Variants in ZC3H12B observed in about 807,000 individuals in gnomAD.
ZC3H12B encodes the protein zinc finger CCCH-type containing 12B.
A neutral mutation model predicts 43.9 loss-of-function variants in ZC3H12B; 7 were observed. That is an observed-to-expected ratio of 0.16 (90% CI 0.09 to 0.30). The LOEUF is 0.30. Among genes scored for constraint, ZC3H12B ranks in the 10% least tolerant of loss-of-function variants. The pLI is 1.00. For synonymous variants in ZC3H12B, 222 were observed against 241.7 expected (o/e 0.92, Z 0.76); for missense variants, 475 against 670.2 (o/e 0.71, Z 3.22).
At chrX:65,399,135 T>C (rs995830879) in intron 3 of ZC3H12B, among the ~76,000 whole-genome samples, 11 of 112,536 alleles carry the variant, frequency 9.8e-5, no homozygotes, top group African/African-American at 3.6e-4. Context: ...TCTTGAGTAA[T>C]ACACTATTAA....
the ZC3H12B span, among the ~76,000 whole-genome samples, chrX:65,180,779 GA>G: frequency 1.8e-5 from 2 of 109,179 alleles, no homozygotes; most frequent in Non-Finnish European, 3.9e-5. Flanking sequence ...CAAAGAAGTT[GA>G]AAAAAAATTT....
chrX:65,329,369 A>G, the ZC3H12B span, among the ~76,000 whole-genome samples: 4 of 110,544 alleles, frequency 3.6e-5, no homozygotes, highest in Admixed American at 1.9e-4. Flanking sequence ...GTCTGTTCAT[A>G]TCCTTCACCC....
At chrX:65,222,357 A>T in the ZC3H12B span, among the ~76,000 whole-genome samples, 1 of 110,890 alleles carries the variant, frequency 9.0e-6, no homozygotes, top group African/African-American at 3.3e-5. Flanking sequence ...CAGAGCAATC[A>T]GAAAAGAGAA....
the ZC3H12B span, among the ~76,000 whole-genome samples, chrX:65,215,630 CA>C: frequency 9.0e-6 from 1 of 111,332 alleles, no homozygotes; most frequent in African/African-American, 3.3e-5. Context: ...TCACTAACAT[CA>C]ATAAGGCTGT....
the ZC3H12B span, among the ~76,000 whole-genome samples, chrX:65,212,175 T>A: frequency 2.5e-4 from 10 of 40,760 alleles, no homozygotes; most frequent in Admixed American, 1.5e-3. Flanking sequence ...TATATAATAT[T>A]ATATATTATA....
the ZC3H12B span, among the ~76,000 whole-genome samples, chrX:65,211,699 A>G: frequency 4.5e-5 from 4 of 88,967 alleles, no homozygotes; most frequent in East Asian, 3.4e-4. Flanking sequence ...AATATTATAT[A>G]ATATATAATA....
At chrX:65,448,979 G>GAAAAAGAAAGAAAGAAAGAA (rs1158285090) in intron 3 of ZC3H12B, among the ~76,000 whole-genome samples, 4 of 21,642 alleles carry the variant, frequency 1.8e-4, no homozygotes, top group African/African-American at 2.1e-4. Context: ...AAGAAAGAAA[G>GAAAAAGAAAGAAAGAAAGAA]AGAAAGAAAG....
intron 1 of ZC3H12B, among the ~76,000 whole-genome samples, chrX:65,367,666 TC>T (rs1330860926): frequency 9.0e-6 from 1 of 111,681 alleles, no homozygotes; most frequent in Non-Finnish European, 1.9e-5. Context: ...TTTCAAATAT[TC>T]CCTTTCATTA....
At chrX:65,176,383 C>A in the ZC3H12B span, among the ~76,000 whole-genome samples, 1 of 111,631 alleles carries the variant, frequency 9.0e-6, no homozygotes, top group Admixed American at 9.5e-5. Flanking sequence ...GCAGGAGCCC[C>A]AATCAGGGGC....
At position 65,480,846 on chromosome X, in the gene ZC3H12B, C is replaced by CAA. The variant is rs59314463; in HGVS notation, n.408-7786_408-7785dup. ...GGGCAACAACAGTGAAACTCTGACT[C>CAA]AAAAAAAAAAAAAAAGAGTACTACA... On this transcript the variant is annotated intron_variant and non_coding_transcript_variant, in intron 3 of 5. Coordinates refer to the ZC3H12B transcript ENST00000617377. Among the ~76,000 whole-genome samples the CAA allele has an allele frequency of 4.3e-3, 296 of 68,493 alleles. 4 individuals are homozygous for CAA. The highest frequency in any genetic ancestry group is 0.011 in the African/African-American group (246 of 22,800). 59.5% of individuals were successfully genotyped at this position (68,493 alleles called of 115,157 possible).
chrX:65,067,819 C>T, the ZC3H12B span, among the ~76,000 whole-genome samples: 13 of 110,449 alleles, frequency 1.2e-4, no homozygotes, highest in African/African-American at 4.3e-4. Flanking sequence ...CTTTATGATG[C>T]ATCATTGGAA....
At chrX:65,280,547 C>T in the ZC3H12B span, among the ~76,000 whole-genome samples, 6 of 111,375 alleles carry the variant, frequency 5.4e-5, no homozygotes, top group African/African-American at 2.0e-4. Flanking sequence ...CATTAGGCAA[C>T]AAAAAGAATT....
the ZC3H12B span, among the ~76,000 whole-genome samples, chrX:65,188,935 A>G: frequency 1.2e-5 from 1 of 82,329 alleles, no homozygotes; most frequent in African/African-American, 4.4e-5. Flanking sequence ...TCCCAATGCT[A>G]TCCCTCCCCC....
intron 3 of ZC3H12B, among the ~76,000 whole-genome samples, chrX:65,482,376 G>A (rs969749301): frequency 9.0e-6 from 1 of 111,020 alleles, no homozygotes; most frequent in Non-Finnish European, 1.9e-5. Flanking sequence ...AGAAGTGGGC[G>A]TGTTTTCTGA....
chrX:65,216,748 A>G, the ZC3H12B span, among the ~76,000 whole-genome samples: 212 of 111,899 alleles, frequency 1.9e-3, no homozygotes, highest in African/African-American at 6.6e-3. Flanking sequence ...TTTTTCTTAC[A>G]ACATGAGTAC....
the ZC3H12B span, among the ~76,000 whole-genome samples, chrX:65,081,124 A>C: frequency 5.4e-5 from 6 of 110,110 alleles, no homozygotes; most frequent in Non-Finnish European, 1.1e-4. Context: ...ACTAAAAAAC[A>C]TATGGATACA....
At chrX:65,051,267 A>G in the ZC3H12B span, among the ~76,000 whole-genome samples, 3 of 110,298 alleles carry the variant, frequency 2.7e-5, no homozygotes, top group Admixed American at 9.6e-5. Context: ...AGATTTGTCA[A>G]TATTTTTTAT....
At chrX:65,117,619 G>C in the ZC3H12B span, among the ~76,000 whole-genome samples, 1 of 111,806 alleles carries the variant, frequency 8.9e-6, no homozygotes, top group Non-Finnish European at 1.9e-5. Flanking sequence ...TGGTGTTTTA[G>C]TCATGAAGTC....
chrX:65,145,668 T>C, the ZC3H12B span, among the ~76,000 whole-genome samples: 1 of 111,756 alleles, frequency 8.9e-6, no homozygotes, highest in Non-Finnish European at 1.9e-5. Context: ...GTTCTTGTAG[T>C]GCTGGTTTGG....
Sources: gnomAD v4.1 joint callset for allele counts (sites outside exome capture counted in the v4.1 genomes callset) on GRCh38, gnomAD v4.1.1 for gene constraint, MANE v1.5 for transcripts, NCBI Gene and HGNC (gene_info 2026-07-23, HGNC 2026-07-21) for gene names.